Variants in CBFA2T2 observed in about 807,000 individuals in gnomAD.
The protein encoded by CBFA2T2 is CBFA2/RUNX1 partner transcriptional co-repressor 2, also known as protein CBFA2T2.
CBFA2T2 carries 11 observed loss-of-function variants against 62.2 expected under a neutral mutation model. That is an observed-to-expected ratio of 0.18 (90% CI 0.11 to 0.29). The LOEUF is 0.29. Ranked by LOEUF, CBFA2T2 falls within the 10% of genes least tolerant of loss-of-function variation. The pLI is 1.00. For missense variants in CBFA2T2, 592 were observed against 774.1 expected (o/e 0.76, Z 2.79); for synonymous variants, 295 against 287.5 (o/e 1.03, Z -0.27).
chr20:33,543,628 G>C (rs1568810113), intron 1 of CBFA2T2, among the ~76,000 whole-genome samples: 1 of 152,072 alleles, frequency 6.6e-6, no homozygotes, highest in Non-Finnish European at 1.5e-5. Context: ...TTCTTAGAGG[G>C]AAGAACATAC....
At chr20:33,562,375 A>G (rs1367774344) in intron 1 of CBFA2T2, 1 of 985,994 alleles carries the variant, frequency 1.0e-6, no homozygotes, top group Non-Finnish European at 1.2e-6. Flanking sequence ...GGAGGGAGAA[A>G]AAGAGAGAGA....
intron 1 of CBFA2T2, among the ~76,000 whole-genome samples, chr20:33,534,321 G>A (rs1291129776): frequency 6.9e-6 from 1 of 144,434 alleles, no homozygotes; most frequent in East Asian, 1.9e-4. Flanking sequence ...TTGCTGTTGA[G>A]GTTTTTGTTT....
chr20:33,546,264 G>A (rs2012564577), intron 1 of CBFA2T2, among the ~76,000 whole-genome samples: 2 of 151,998 alleles, frequency 1.3e-5, no homozygotes. Flanking sequence ...AAATAATGAA[G>A]CTTATAAAAC....
chr20:33,636,634 C>G lies in CBFA2T2; in HGVS notation c.1229-6C>G, dbSNP rs774864446. On this transcript the variant is annotated splice_region_variant and splice_polypyrimidine_tract_variant and intron_variant, in intron 8 of 10. Transcript: ENST00000342704. ...TGACCCTATGCTTTTTATGTCTCTT[C>G]TGCAGATTCTCAGAGAGAGTTCAAC... The G allele has an allele frequency of 1.2e-6, 2 of 1,611,830 alleles. No individual in the cohort carries two copies. Among genetic ancestry groups the G allele is most frequent in the Non-Finnish European group, 1.7e-6 (2 of 1,178,354 alleles).
intron 1 of CBFA2T2, among the ~76,000 whole-genome samples, chr20:33,534,620 GT>G (rs952513579): frequency 1.5e-4 from 23 of 151,260 alleles, no homozygotes; most frequent in South Asian, 4.2e-4. Flanking sequence ...GCCTGTTGAG[GT>G]TTTTTTTTAA....
At chr20:33,502,913 AC>A (rs1343695232) in intron 1 of CBFA2T2, among the ~76,000 whole-genome samples, 2 of 149,538 alleles carry the variant, frequency 1.3e-5, no homozygotes, top group Middle Eastern at 3.4e-3. Flanking sequence ...ACACGGCGAA[AC>A]CCCATCTCTA....
At chr20:33,586,176 T>G (rs1384759008) in intron 1 of CBFA2T2, among the ~76,000 whole-genome samples, 1 of 152,206 alleles carries the variant, frequency 6.6e-6, no homozygotes, top group African/African-American at 2.4e-5. Flanking sequence ...CTTGTTTGTT[T>G]TTTTGTTTGT....
At chr20:33,606,639 G>A (rs1432111167) in intron 1 of CBFA2T2, among the ~76,000 whole-genome samples, 1 of 152,032 alleles carries the variant, frequency 6.6e-6, no homozygotes, top group Non-Finnish European at 1.5e-5. Flanking sequence ...GCTTCCCTCT[G>A]TGTATGTCTC....
At chr20:33,629,684 TATCTC>T (rs2016379124) in intron 7 of CBFA2T2, 30 bp from the exon 8 acceptor site, 2 of 1,583,294 alleles carry the variant, frequency 1.3e-6, no homozygotes, top group Admixed American at 3.6e-5. Flanking sequence ...TGAATGTTCT[TATCTC>T]ATCTCTGCCT....
rs1156307604 is a variant in CBFA2T2, at chr20:33,494,273, ATTTTTTTTT to A, written c.34+3990_34+3998del. Among the ~76,000 whole-genome samples the A allele has an allele frequency of 7.5e-3, 159 of 21,288 alleles. 1 individual carries two copies. Among genetic ancestry groups the A allele is most frequent in the South Asian group, 0.013 (4 of 304 alleles). The allele number at this position is 21,288 out of a possible 152,430, so 14.0% of individuals were successfully genotyped here. On this transcript the variant is annotated intron_variant, in intron 1 of 10. Coordinates refer to ENST00000342704, the MANE Select transcript of CBFA2T2 (RefSeq NM_001032999.3). ...TATATATATATATATATATATATAT[ATTTTTTTTT>A]TTTTTTTTTTTTTTTTTGAGACAGA...
intron 1 of CBFA2T2, among the ~76,000 whole-genome samples, chr20:33,569,675 T>C (rs2013469397): frequency 6.6e-6 from 1 of 152,222 alleles, no homozygotes; most frequent in Admixed American, 6.5e-5. Context: ...TCATTGACTT[T>C]TGCCTGTTGA....
intron 1 of CBFA2T2, among the ~76,000 whole-genome samples, chr20:33,492,723 C>G (rs1253819746): frequency 6.6e-6 from 1 of 152,000 alleles, no homozygotes; most frequent in Non-Finnish European, 1.5e-5. Flanking sequence ...GTTGCCCATG[C>G]TAGTCCGGAA....
At chr20:33,643,859 G>GTGTGTA (rs1491172150) in intron 10 of CBFA2T2, among the ~76,000 whole-genome samples, 49 of 95,874 alleles carry the variant, frequency 5.1e-4, no homozygotes, top group African/African-American at 1.8e-3. Flanking sequence ...GTGTGTGTGT[G>GTGTGTA]TATATAATGT....
chr20:33,524,052 G>A (rs1320988937), intron 1 of CBFA2T2, among the ~76,000 whole-genome samples: 1 of 151,766 alleles, frequency 6.6e-6, no homozygotes, highest in African/African-American at 2.4e-5. Flanking sequence ...GCAGACTTCA[G>A]TTTTTTGGGT....
intron 8 of CBFA2T2, among the ~76,000 whole-genome samples, chr20:33,631,080 T>C (rs946885177): frequency 1.4e-4 from 21 of 152,168 alleles, no homozygotes; most frequent in African/African-American, 5.1e-4. Context: ...TTTCGGAGGC[T>C]GAGGTGGGCA....
intron 2 of CBFA2T2, among the ~76,000 whole-genome samples, chr20:33,609,848 C>T (rs1041919790): frequency 1.9e-4 from 29 of 152,192 alleles, no homozygotes; most frequent in African/African-American, 7.0e-4. Flanking sequence ...GCTCTTTAAA[C>T]ATTGCTTATG....
At chr20:33,544,940 T>TAGAACAGAAC (rs1419558436) in intron 1 of CBFA2T2, among the ~76,000 whole-genome samples, 152 of 127,182 alleles carry the variant, frequency 1.2e-3, no homozygotes, top group African/African-American at 4.6e-3. Flanking sequence ...GTGAATAGAA[T>TAGAACAGAAC]AGAACAGAAT....
At chr20:33,491,760 G>C (rs938394248) in intron 1 of CBFA2T2, among the ~76,000 whole-genome samples, 1 of 151,842 alleles carries the variant, frequency 6.6e-6, no homozygotes, top group African/African-American at 2.4e-5. Context: ...GGAGTGCAGG[G>C]GTGTGATCTT....
At chr20:33,554,600 CTTTT>C (rs752877501) in intron 1 of CBFA2T2, among the ~76,000 whole-genome samples, 6 of 56,286 alleles carry the variant, frequency 1.1e-4, no homozygotes, top group African/African-American at 3.0e-4. Context: ...TTTTTCTTTT[CTTTT>C]TTTTTTTTTT....
Sources: gnomAD v4.1 joint callset for allele counts (sites outside exome capture counted in the v4.1 genomes callset) on GRCh38, gnomAD v4.1.1 for gene constraint, MANE v1.5 for transcripts, NCBI Gene and HGNC (gene_info 2026-07-23, HGNC 2026-07-21) for gene names.